TRIM51G: variants seen among roughly 807,000 people sequenced by gnomAD.
The protein encoded by TRIM51G is tripartite motif-containing 51G.
chr11:48,979,806 T>TAC, the TRIM51G span, among the ~76,000 whole-genome samples: 1 of 149,784 alleles, frequency 6.7e-6, no homozygotes, highest in Non-Finnish European at 1.5e-5. Context: ...TATATCCATA[T>TAC]ATATATATAA....
the TRIM51G span, chr11:48,981,055 C>G: frequency 1.4e-6 from 1 of 719,344 alleles, no homozygotes; most frequent in Non-Finnish European, 2.4e-6. Context: ...GTATCATTCA[C>G]ACTCTGATAT....
chr11:48,982,947 G>GTGTGTGTGTA, the TRIM51G span, among the ~76,000 whole-genome samples: 2,975 of 85,880 alleles, frequency 0.035, 7 homozygotes, highest in Middle Eastern at 0.074. Flanking sequence ...AGTATTTTTG[G>GTGTGTGTGTA]TATATATACA....
the TRIM51G span, among the ~76,000 whole-genome samples, chr11:48,978,354 A>T: frequency 6.6e-6 from 1 of 152,128 alleles, no homozygotes; most frequent in Non-Finnish European, 1.5e-5. Flanking sequence ...ATAAAGTCTA[A>T]GTTTTGAAGA....
At chr11:48,981,645 G>C in the TRIM51G span, 4 of 1,598,738 alleles carry the variant, frequency 2.5e-6, no homozygotes, top group Middle Eastern at 6.5e-4. Context: ...AGTTCATGCA[G>C]ATGGGACAGA....
the TRIM51G span, among the ~76,000 whole-genome samples, chr11:48,982,622 A>T: frequency 6.6e-6 from 1 of 151,866 alleles, no homozygotes. Flanking sequence ...GCTGATTCTA[A>T]CTCAGCCAGG....
chr11:48,976,515 T>C, the TRIM51G span, among the ~76,000 whole-genome samples: 1 of 152,132 alleles, frequency 6.6e-6, no homozygotes, highest in Non-Finnish European at 1.5e-5. Context: ...CTGCTAGCTC[T>C]AGACTGAAAC....
the TRIM51G span, chr11:48,975,726 G>A: frequency 1.3e-6 from 2 of 1,556,318 alleles, no homozygotes; most frequent in Admixed American, 3.3e-5. Context: ...CAAGAAGAAA[G>A]AGTCCCACCT....
chr11:48,977,377 A>C, the TRIM51G span, among the ~76,000 whole-genome samples: 1 of 152,142 alleles, frequency 6.6e-6, no homozygotes, highest in Admixed American at 6.6e-5. Context: ...AGTCTATCTG[A>C]CTGAGAATTT....
chr11:48,981,770 G>A, the TRIM51G span: 3 of 1,446,766 alleles, frequency 2.1e-6, no homozygotes, highest in African/African-American at 1.4e-5. Flanking sequence ...ATCACCATAT[G>A]TGATAGCTAT....
chr11:48,981,597 G>T, the TRIM51G span: 3 of 1,601,606 alleles, frequency 1.9e-6, no homozygotes, highest in Non-Finnish European at 2.6e-6. Context: ...GCCGGCAAAA[G>T]CTGTGCCCAC....
At chr11:48,975,951 C>A in the TRIM51G span, 4 of 724,132 alleles carry the variant, frequency 5.5e-6, no homozygotes, top group East Asian at 2.6e-5. Context: ...AATCTCCATG[C>A]AGGAAGATAT....
At chr11:48,981,306 C>G in the TRIM51G span, 4 of 1,606,120 alleles carry the variant, frequency 2.5e-6, no homozygotes, top group African/African-American at 1.3e-5. Flanking sequence ...CAGCAGCCCA[C>G]TCAGTGGGAC....
the TRIM51G span, among the ~76,000 whole-genome samples, chr11:48,979,782 A>G: frequency 7.8e-6 from 1 of 128,868 alleles, no homozygotes; most frequent in African/African-American, 2.9e-5. Context: ...GTGTGTACAT[A>G]TATATTCCTC....
At chr11:48,975,722 G>T in the TRIM51G span, 7 of 1,553,918 alleles carry the variant, frequency 4.5e-6, no homozygotes, top group South Asian at 4.5e-5. Context: ...CATCCAAGAA[G>T]AAAGAGTCCC....
At chr11:48,976,910 T>C in the TRIM51G span, among the ~76,000 whole-genome samples, 1 of 152,188 alleles carries the variant, frequency 6.6e-6, no homozygotes, top group Non-Finnish European at 1.5e-5. Context: ...TGTTTTACTC[T>C]TCATGTTATA....
chr11:48,982,519 A>G, the TRIM51G span, among the ~76,000 whole-genome samples: 35 of 152,088 alleles, frequency 2.3e-4, no homozygotes, highest in African/African-American at 6.7e-4. Context: ...GGGAACAGCA[A>G]CCCTCAATGT....
chr11:48,977,875 AT>A, the TRIM51G span, among the ~76,000 whole-genome samples: 8 of 147,736 alleles, frequency 5.4e-5, no homozygotes, highest in Non-Finnish European at 1.0e-4. Flanking sequence ...TCTTTCATTT[AT>A]TTATTTTTTG....
the TRIM51G span, among the ~76,000 whole-genome samples, chr11:48,982,698 A>C: frequency 1.3e-5 from 2 of 151,500 alleles, no homozygotes; most frequent in African/African-American, 4.9e-5. Context: ...CTCCATAATC[A>C]AGGGAACAAA....
At chr11:48,978,123 T>A in the TRIM51G span, 23 of 520,226 alleles carry the variant, frequency 4.4e-5, no homozygotes, top group African/African-American at 3.7e-4. Flanking sequence ...TGCTAAAATC[T>A]TGGTATGTAC....
Sources: gnomAD v4.1 joint callset for allele counts (sites outside exome capture counted in the v4.1 genomes callset) on GRCh38, gnomAD v4.1.1 for gene constraint, MANE v1.5 for transcripts, NCBI Gene and HGNC (gene_info 2026-07-23, HGNC 2026-07-21) for gene names.